The following NSUN6 variants were observed in gnomAD, a reference collection of about 807,000 sequenced individuals.
The protein encoded by NSUN6 is NOP2/Sun RNA methyltransferase 6.
In NSUN6, 64 loss-of-function variants were observed where a neutral mutation model predicts 58.0. The observed-to-expected ratio is 1.10, with a 90% CI of 0.90 to 1.36. The LOEUF (loss-of-function observed/expected upper bound fraction) is 1.36, where lower values mean the gene tolerates loss of function less well. Among genes scored for constraint, NSUN6 ranks in the 40% most tolerant of loss-of-function variants. The pLI is 0.00. For synonymous variants in NSUN6, 231 were observed against 193.9 expected (o/e 1.19, Z -1.59); for missense variants, 701 against 550.1 (o/e 1.27, Z -2.74).
intron 2 of NSUN6, among the ~76,000 whole-genome samples, chr10:18,643,354 A>G (rs1481339627): frequency 6.6e-6 from 1 of 151,744 alleles, no homozygotes; most frequent in African/African-American, 2.4e-5. Flanking sequence ...CAGCACGCAA[A>G]TATCTGACAA....
intron 8 of NSUN6, among the ~76,000 whole-genome samples, chr10:18,564,166 A>G (rs1207809936): frequency 1.4e-5 from 2 of 146,554 alleles, no homozygotes; most frequent in South Asian, 2.1e-4. Flanking sequence ...AGTCCATTCC[A>G]TTTTCCATTC....
At chr10:18,588,459 C>T (rs568245844) in intron 7 of NSUN6, among the ~76,000 whole-genome samples, 76 of 152,320 alleles carry the variant, frequency 5.0e-4, no homozygotes, top group African/African-American at 1.8e-3. Flanking sequence ...CAAGTGGGTC[C>T]CTGATCTCCG....
chr10:18,599,793 T>A (rs1362128964), intron 6 of NSUN6, among the ~76,000 whole-genome samples: 2 of 152,322 alleles, frequency 1.3e-5, no homozygotes, highest in Admixed American at 6.5e-5. Flanking sequence ...AAAATTCAGT[T>A]TCAGGCACCA....
At chr10:18,568,042 C>G (rs1326846341) in intron 8 of NSUN6, among the ~76,000 whole-genome samples, 1 of 150,500 alleles carries the variant, frequency 6.6e-6, no homozygotes, top group Non-Finnish European at 1.5e-5. Context: ...CCATTGCATT[C>G]TATTCTCCAT....
chr10:18,601,778 C>A (rs997449840), intron 6 of NSUN6, among the ~76,000 whole-genome samples: 1 of 151,930 alleles, frequency 6.6e-6, no homozygotes, highest in African/African-American at 2.4e-5. Flanking sequence ...GTCAGGAGTT[C>A]GAGACCAACC....
intron 8 of NSUN6, among the ~76,000 whole-genome samples, chr10:18,552,322 T>C (rs1240997952): frequency 6.6e-6 from 1 of 152,150 alleles, no homozygotes; most frequent in Non-Finnish European, 1.5e-5. Context: ...CTCTTGGTAA[T>C]TCCTATTGAA....
rs2057121736 is a variant in NSUN6, at chr10:18,586,044, T to C, written c.827A>G (p.Lys276Arg). The stretch of plus-strand genomic sequence containing the variant: ...CAGCCCTAACAATAAGGCATTCTGT[T>C]TGATTTTTTCTACTTTGTTGAAGAT... ...DKIFNKVEKI[K>R]QNALLLGLNS... is the part of the protein sequence containing the mutation. Residue 276 changes from lysine to arginine, a missense_variant, in exon 8 of 11, where the codon AAA becomes AGA. By Grantham distance (26) the Lys-to-Arg change is conservative (BLOSUM62 2). Transcript: ENST00000377304. 6.2e-7 allele frequency: 1 copy of C among 1,611,114 alleles called. No individual in the cohort carries two copies. The highest frequency in any genetic ancestry group is 1.3e-5 in the African/African-American group (1 of 74,868).
At chr10:18,577,141 A>C (rs1189809597) in intron 8 of NSUN6, among the ~76,000 whole-genome samples, 1 of 152,208 alleles carries the variant, frequency 6.6e-6, no homozygotes. Context: ...ATAGCTGAGC[A>C]ATTAGGGGCT....
At chr10:18,550,196 C>G (rs1363169301) in intron 9 of NSUN6, among the ~76,000 whole-genome samples, 1 of 152,174 alleles carries the variant, frequency 6.6e-6, no homozygotes, top group Non-Finnish European at 1.5e-5. Context: ...AACAGAAATC[C>G]AAGTCCTTTA....
chr10:18,565,204 C>T (rs1025353499), intron 8 of NSUN6, among the ~76,000 whole-genome samples: 8 of 151,262 alleles, frequency 5.3e-5, no homozygotes, highest in African/African-American at 1.9e-4. Flanking sequence ...TTCTCCATTC[C>T]GTTCCATAAC....
chr10:18,557,196 G>A (rs552186358), intron 8 of NSUN6, among the ~76,000 whole-genome samples: 2 of 151,334 alleles, frequency 1.3e-5, no homozygotes, highest in South Asian at 4.2e-4. Flanking sequence ...GTGGAGGATG[G>A]AATGCGTATG....
intron 8 of NSUN6, among the ~76,000 whole-genome samples, chr10:18,571,912 A>G (rs1177766606): frequency 5.4e-5 from 8 of 147,856 alleles, no homozygotes; most frequent in Admixed American, 5.4e-4. Context: ...TCCTTTCTCC[A>G]TTCCATTCCC....
chr10:18,642,892 A>G (rs2059430051), intron 2 of NSUN6, among the ~76,000 whole-genome samples: 1 of 152,178 alleles, frequency 6.6e-6, no homozygotes, highest in Non-Finnish European at 1.5e-5. Flanking sequence ...AAGTTTCTGA[A>G]TAAGATGTTA....
At chr10:18,601,477 TA>T (rs1281967969) in intron 6 of NSUN6, among the ~76,000 whole-genome samples, 1 of 151,970 alleles carries the variant, frequency 6.6e-6, no homozygotes, top group African/African-American at 2.4e-5. Context: ...CAGCTCCCTT[TA>T]ACCTCAAAGC....
At chr10:18,643,962 G>A (rs749528937) in intron 2 of NSUN6, among the ~76,000 whole-genome samples, 9 of 152,046 alleles carry the variant, frequency 5.9e-5, no homozygotes, top group Non-Finnish European at 1.2e-4. Flanking sequence ...TCCAAACCAA[G>A]TATATCACCA....
intron 3 of NSUN6, among the ~76,000 whole-genome samples, chr10:18,632,598 C>T (rs373994957): frequency 7.2e-5 from 11 of 151,756 alleles, no homozygotes; most frequent in Admixed American, 2.0e-4. Flanking sequence ...GGGCGAAGGA[C>T]ATGAACAGAC....
At chr10:18,600,405 G>A (rs369849588) in intron 6 of NSUN6, among the ~76,000 whole-genome samples, 7 of 152,100 alleles carry the variant, frequency 4.6e-5, no homozygotes, top group East Asian at 1.9e-4. Context: ...TCGGAGGACC[G>A]CTTCAGGCCA....
intron 5 of NSUN6, among the ~76,000 whole-genome samples, chr10:18,610,552 T>C (rs1345953919): frequency 6.6e-6 from 1 of 152,238 alleles, no homozygotes; most frequent in Non-Finnish European, 1.5e-5. Context: ...TACTACTTCC[T>C]GTCAGCTCTT....
At chr10:18,553,579 G>A (rs569644038) in intron 8 of NSUN6, among the ~76,000 whole-genome samples, 2 of 151,558 alleles carry the variant, frequency 1.3e-5, no homozygotes, top group Admixed American at 6.6e-5. Context: ...GTGTGGAATG[G>A]AGATTGTTTT....
Sources: gnomAD v4.1 joint callset for allele counts (sites outside exome capture counted in the v4.1 genomes callset) on GRCh38, gnomAD v4.1.1 for gene constraint, MANE v1.5 for transcripts, NCBI Gene and HGNC (gene_info 2026-07-23, HGNC 2026-07-21) for gene names.